Variants in ZNF280D observed in about 807,000 individuals in gnomAD.
The protein encoded by ZNF280D is suppressor of hairy wing homolog 4.
A neutral mutation model predicts 94.7 loss-of-function variants in ZNF280D; 39 were observed. The ratio of observed to expected loss-of-function variants is 0.41; its 90% CI spans 0.32 to 0.54. The LOEUF (loss-of-function observed/expected upper bound fraction) is 0.54. ZNF280D is among the 20% of genes least tolerant of loss of function. ZNF280D has a pLI of 0.22. For missense variants in ZNF280D, 1,090 were observed against 1,149.3 expected, an observed-to-expected ratio of 0.95 and a Z score of 0.75; for synonymous variants, 398 against 377.6, an observed-to-expected ratio of 1.05 and a Z score of -0.63.
intron 16 of ZNF280D, among the ~76,000 whole-genome samples, chr15:56,663,141 A>G (rs2054061506): frequency 6.6e-6 from 1 of 151,260 alleles, no homozygotes; most frequent in Admixed American, 6.6e-5. Flanking sequence ...AAATTATCTG[A>G]GCATGGTAGT....
chr15:56,704,404 A>G, intron 3 of ZNF280D, 137 bp from the exon 4 acceptor site: 1 of 818,872 alleles, frequency 1.2e-6, no homozygotes, highest in Non-Finnish European at 1.9e-6. Flanking sequence ...TGTAGTCAGT[A>G]TGTGGTAACA....
intron 14 of ZNF280D, chr15:56,668,275 C>A (rs1289900792): frequency 1.0e-5 from 4 of 390,878 alleles, no homozygotes; most frequent in Admixed American, 3.4e-5. Context: ...AACAGATGTA[C>A]ATAAGGCAAA....
chr15:56,659,968 A>G (rs1265215386), intron 16 of ZNF280D, among the ~76,000 whole-genome samples: 3 of 152,090 alleles, frequency 2.0e-5, no homozygotes, highest in Non-Finnish European at 2.9e-5. Flanking sequence ...CCTTCATGCA[A>G]TCACAGACTC....
At chr15:56,686,987 C>T (rs2056068822) in intron 9 of ZNF280D, among the ~76,000 whole-genome samples, 1 of 151,784 alleles carries the variant, frequency 6.6e-6, no homozygotes, top group African/African-American at 2.4e-5. Flanking sequence ...ACATTATATG[C>T]TAGTTGGCAA....
chr15:56,641,404 C>A (rs1173676744), intron 20 of ZNF280D, among the ~76,000 whole-genome samples: 1 of 151,912 alleles, frequency 6.6e-6, no homozygotes, highest in Non-Finnish European at 1.5e-5. Context: ...TCAATTTCAG[C>A]ATAATGTATT....
intron 21 of ZNF280D, among the ~76,000 whole-genome samples, chr15:56,633,029 T>G (rs2052162623): frequency 6.6e-6 from 1 of 152,164 alleles, no homozygotes; most frequent in Non-Finnish European, 1.5e-5. Flanking sequence ...TAACAGAAAC[T>G]ATCTAGTGAA....
intron 1 of ZNF280D, among the ~76,000 whole-genome samples, 198 bp downstream of exon 1, chr15:56,733,260 C>A (rs1189076387): frequency 1.3e-5 from 2 of 152,180 alleles, no homozygotes; most frequent in East Asian, 1.9e-4. Flanking sequence ...ACCTCCTCCC[C>A]CGCCTGGGCC....
intron 20 of ZNF280D, among the ~76,000 whole-genome samples, chr15:56,641,948 T>A (rs1596330367): frequency 1.3e-5 from 2 of 151,758 alleles, no homozygotes; most frequent in Middle Eastern, 3.4e-3. Context: ...TTACAACATG[T>A]TTAAAATTAA....
chr15:56,685,186 C>CA (rs1472642904), intron 9 of ZNF280D, among the ~76,000 whole-genome samples: 1 of 152,094 alleles, frequency 6.6e-6, no homozygotes. Context: ...AACGACCTCA[C>CA]AGAAAGATGT....
At chr15:56,720,109 C>T (rs1228529192) in intron 1 of ZNF280D, among the ~76,000 whole-genome samples, 14 of 152,116 alleles carry the variant, frequency 9.2e-5, no homozygotes, top group African/African-American at 1.7e-4. Flanking sequence ...TGGTAGCATA[C>T]GATGCTGTTT....
In ZNF280D at chr15:56,641,254, G is replaced by T. The variant is rs1028806588; in HGVS notation, c.2259+1698C>A. Among the ~76,000 whole-genome samples, 5 of 151,952 alleles carry T rather than the reference G, an allele frequency of 3.3e-5. No homozygotes were observed. The South Asian group carries it at 6.2e-4, about 19-fold the overall frequency. ...TTACCTTCAATTGTTGTAAGCAAAG[G>T]GATAGGCCTTTTATTAAGTGTGTAG... is the stretch of plus-strand genomic sequence containing the variant. On this transcript the variant is annotated intron_variant, in intron 20 of 21. Coordinates refer to ENST00000267807, the MANE Select transcript of ZNF280D (RefSeq NM_017661.4).
chr15:56,678,871 G>A, intron 10 of ZNF280D, 50 bp from the exon 11 acceptor site: 2 of 1,419,304 alleles, frequency 1.4e-6, no homozygotes, highest in Non-Finnish European at 1.9e-6. Flanking sequence ...AAAACAAAAA[G>A]GAAATCTCAC....
intron 19 of ZNF280D, among the ~76,000 whole-genome samples, chr15:56,646,479 T>C (rs1216019698): frequency 1.3e-5 from 2 of 152,042 alleles, no homozygotes; most frequent in Non-Finnish European, 2.9e-5. Flanking sequence ...AAAAAGACCA[T>C]TCACTGAGAC....
chr15:56,659,787 G>C (rs184305795), intron 16 of ZNF280D, among the ~76,000 whole-genome samples: 2 of 151,810 alleles, frequency 1.3e-5, no homozygotes, highest in Non-Finnish European at 2.9e-5. Flanking sequence ...AGCATTTTCA[G>C]TGATTCACAC....
chr15:56,677,905 T>G (rs1486683448), intron 11 of ZNF280D, among the ~76,000 whole-genome samples: 1 of 152,112 alleles, frequency 6.6e-6, no homozygotes. Context: ...ATCCGCATTA[T>G]TCAAGTATTA....
intron 6 of ZNF280D, chr15:56,699,331 A>G (rs548634436): frequency 1.1e-6 from 1 of 921,542 alleles, no homozygotes; most frequent in South Asian, 5.0e-5. Context: ...AATATAGCTC[A>G]CACCTCTCAC....
intron 17 of ZNF280D, 176 bp from the exon 18 acceptor site, chr15:56,654,679 T>C (rs2053424260): frequency 6.1e-6 from 4 of 650,482 alleles, no homozygotes; most frequent in Non-Finnish European, 1.1e-5. Context: ...CATAGCCATG[T>C]CCAAATTATG....
intron 3 of ZNF280D, among the ~76,000 whole-genome samples, chr15:56,706,459 C>T (rs1378933941): frequency 6.6e-6 from 1 of 151,894 alleles, no homozygotes; most frequent in Non-Finnish European, 1.5e-5. Flanking sequence ...GCCTGGGTGA[C>T]AGAGTGAGAA....
At chr15:56,670,093 C>T (rs1360095566) in intron 13 of ZNF280D, among the ~76,000 whole-genome samples, 1 of 113,722 alleles carries the variant, frequency 8.8e-6, no homozygotes, top group African/African-American at 3.4e-5. Context: ...TACACATGCA[C>T]ACACACATAA....
Sources: gnomAD v4.1 joint callset for allele counts (sites outside exome capture counted in the v4.1 genomes callset) on GRCh38, gnomAD v4.1.1 for gene constraint, MANE v1.5 for transcripts, NCBI Gene and HGNC (gene_info 2026-07-23, HGNC 2026-07-21) for gene names.